Variants in ZMYM2 observed in about 807,000 individuals in gnomAD.
ZMYM2 encodes zinc finger MYM-type protein 2.
A neutral mutation model predicts 162.8 loss-of-function variants in ZMYM2; 56 were observed. That is an observed-to-expected ratio of 0.34 (90% CI 0.28 to 0.43). The LOEUF is 0.43. Among genes scored for constraint, ZMYM2 ranks in the 20% least tolerant of loss-of-function variants. The probability of loss-of-function intolerance (pLI) is 1.00; values close to 1 mark genes in which losing one functional copy is unlikely to be tolerated. For missense variants in ZMYM2, 1,275 were observed against 1,621.8 expected (o/e 0.79, Z 3.67); for synonymous variants, 510 against 541.6 (o/e 0.94, Z 0.81).
the ZMYM2 span, among the ~76,000 whole-genome samples, chr13:19,928,865 G>A: frequency 6.6e-6 from 1 of 151,738 alleles, no homozygotes; most frequent in African/African-American, 2.4e-5. Context: ...GGTTGGTGTC[G>A]AACTCCTGAC....
Position 20,083,046 on chromosome 13 carries a change from T to C in ZMYM2, c.3820+14T>C. The C allele has an allele frequency of 6.7e-7, 1 of 1,500,814 alleles. No individual in the cohort carries two copies. Among genetic ancestry groups the C allele is most frequent in the Non-Finnish European group, 8.9e-7 (1 of 1,123,246 alleles). 93.0% of individuals were successfully genotyped at this position (1,500,814 alleles called of 1,614,324 possible). A position where few individuals can be genotyped will look rare whatever the true frequency, so the allele number is the denominator to read the frequency against. ...CAGATAATGAAGGTAGTGTAACAGA[T>C]TTCTATTTTTATTTTTATTTTTAAA... is the stretch of plus-strand genomic sequence containing the variant. On this transcript the variant is annotated intron_variant, in intron 23 of 24. Transcript: ENST00000610343.
the ZMYM2 span, among the ~76,000 whole-genome samples, chr13:19,936,899 A>C: frequency 6.6e-6 from 1 of 152,068 alleles, no homozygotes; most frequent in Non-Finnish European, 1.5e-5. Flanking sequence ...AAAATAGACT[A>C]ATTCTGGATT....
Position 19,993,521 on chromosome 13 carries a change from C to G in ZMYM2, c.449C>G (p.Thr150Ser). The G allele has an allele frequency of 6.2e-7, 1 of 1,613,922 alleles. No homozygotes were observed. Among genetic ancestry groups the G allele is most frequent in the East Asian group, 2.2e-5 (1 of 44,880 alleles). Reference sequence around the variant, plus strand: ...AGACCTCCTGAGACTAAAAACAGAACCAATGATGTGGATTTCTCCACTTCC... The same window carrying G: ...AGACCTCCTGAGACTAAAAACAGAAGCAATGATGTGGATTTCTCCACTTCC... Reference protein sequence around the residue: ...ERRPPETKNRTNDVDFSTSSF... With the variant: ...ERRPPETKNRSNDVDFSTSSF... Residue 150 changes from threonine (T) to serine (S), a missense_variant, in exon 3 of 25, where the codon ACC (threonine) becomes AGC (serine). Thr to Ser is a moderately conservative substitution (Grantham distance 58). This residue lies in a region of ZMYM2 where 295 missense variants were observed against 286.7 expected (regional missense o/e 1.03). Coordinates refer to ENST00000610343, the MANE Select transcript of ZMYM2 (RefSeq NM_197968.4).
At chr13:20,057,731 A>G (rs1246891387) in intron 14 of ZMYM2, among the ~76,000 whole-genome samples, 2 of 152,260 alleles carry the variant, frequency 1.3e-5, no homozygotes, top group East Asian at 1.9e-4. Flanking sequence ...TAACAAAATT[A>G]TGTATTTATC....
the ZMYM2 span, among the ~76,000 whole-genome samples, chr13:19,885,911 A>ATACACACATATATGTGTG: frequency 9.0e-4 from 23 of 25,608 alleles, 4 homozygotes; most frequent in Non-Finnish European, 1.7e-3. Context: ...ATATATATGT[A>ATACACACATATATGTGTG]TATACACATA....
chr13:19,979,901 A>G (rs928359648), intron 2 of ZMYM2, among the ~76,000 whole-genome samples: 2 of 152,040 alleles, frequency 1.3e-5, no homozygotes, highest in African/African-American at 4.8e-5. Flanking sequence ...TTCCCACTCA[A>G]TGGTTGCTTG....
chr13:19,905,515 G>A, the ZMYM2 span, among the ~76,000 whole-genome samples: 1 of 152,110 alleles, frequency 6.6e-6, no homozygotes, highest in Non-Finnish European at 1.5e-5. Flanking sequence ...ACTTCTCACT[G>A]CTCTTCCCCT....
At chr13:19,964,838 C>A (rs1955595316) in intron 2 of ZMYM2, among the ~76,000 whole-genome samples, 1 of 151,768 alleles carries the variant, frequency 6.6e-6, no homozygotes, top group Non-Finnish European at 1.5e-5. Flanking sequence ...TTTTATATTA[C>A]AAGTTAATGT....
chr13:19,887,266 C>A, the ZMYM2 span, among the ~76,000 whole-genome samples: 1 of 151,758 alleles, frequency 6.6e-6, no homozygotes, highest in Non-Finnish European at 1.5e-5. Flanking sequence ...TGGTGGCTCA[C>A]GTATGTAATC....
At chr13:20,036,001 A>G (rs1953658023) in intron 11 of ZMYM2, among the ~76,000 whole-genome samples, 1 of 152,150 alleles carries the variant, frequency 6.6e-6, no homozygotes, top group African/African-American at 2.4e-5. Context: ...ATTTTAAACT[A>G]GGTTGATCGT....
At chr13:19,868,655 AAC>A in the ZMYM2 span, among the ~76,000 whole-genome samples, 1 of 152,198 alleles carries the variant, frequency 6.6e-6, no homozygotes, top group East Asian at 1.9e-4. Flanking sequence ...TTCATACTGA[AAC>A]ACACGGTTTT....
At chr13:19,885,204 G>C in the ZMYM2 span, among the ~76,000 whole-genome samples, 1 of 152,094 alleles carries the variant, frequency 6.6e-6, no homozygotes, top group Non-Finnish European at 1.5e-5. Flanking sequence ...AGCCCAGGAG[G>C]TCCAGGCTGT....
chr13:19,929,620 A>T, the ZMYM2 span, among the ~76,000 whole-genome samples: 25 of 146,462 alleles, frequency 1.7e-4, no homozygotes, highest in Admixed American at 2.8e-4. Flanking sequence ...GCACAAACCA[A>T]AATTTGGCAT....
At chr13:20,019,669 C>T in intron 7 of ZMYM2, 51 bp downstream of exon 7, 4 of 1,459,358 alleles carry the variant, frequency 2.7e-6, no homozygotes, top group South Asian at 1.2e-5. Flanking sequence ...TTGAGCACTG[C>T]TACTACTGTC....
chr13:19,906,424 T>C, the ZMYM2 span, among the ~76,000 whole-genome samples: 1 of 147,454 alleles, frequency 6.8e-6, no homozygotes, highest in East Asian at 2.0e-4. Context: ...TTGCTAGCTG[T>C]CTTTTAATTG....
chr13:20,056,158 T>C (rs557117039), intron 14 of ZMYM2, among the ~76,000 whole-genome samples: 1 of 152,248 alleles, frequency 6.6e-6, no homozygotes, highest in East Asian at 1.9e-4. Flanking sequence ...CACCTTTAAA[T>C]GCAAACTCTT....
intron 21 of ZMYM2, among the ~76,000 whole-genome samples, chr13:20,078,083 C>A (rs1957639999): frequency 6.6e-6 from 1 of 152,062 alleles, no homozygotes; most frequent in African/African-American, 2.4e-5. Context: ...TCCCACAGTG[C>A]TGGGATTACA....
At chr13:20,066,488 G>C (rs1030810197) in intron 19 of ZMYM2, 3 of 166,048 alleles carry the variant, frequency 1.8e-5, no homozygotes, top group Non-Finnish European at 2.6e-5. Flanking sequence ...GCTACATACT[G>C]TATTTTTATA....
chr13:19,918,766 A>T, the ZMYM2 span, among the ~76,000 whole-genome samples: 1 of 151,960 alleles, frequency 6.6e-6, no homozygotes, highest in African/African-American at 2.4e-5. Flanking sequence ...CCCAAAGTGC[A>T]GGGATTAGAG....
Sources: gnomAD v4.1 joint callset for allele counts (sites outside exome capture counted in the v4.1 genomes callset) on GRCh38, gnomAD v4.1.1 for gene constraint, gnomAD v4.1.1 regional missense constraint, MANE v1.5 for transcripts, NCBI Gene and HGNC (gene_info 2026-07-23, HGNC 2026-07-21) for gene names.